TMCC1: variants seen among roughly 807,000 people sequenced by gnomAD.
TMCC1 encodes the protein transmembrane and coiled-coil domain family 1, also known as transmembrane and coiled-coil domains protein 1.
A neutral mutation model predicts 52.4 loss-of-function variants in TMCC1; 15 were observed. The ratio of observed to expected loss-of-function variants is 0.29; its 90% CI spans 0.19 to 0.44. The LOEUF is 0.44. TMCC1 is among the 20% of genes least tolerant of loss of function. The pLI is 1.00. For synonymous variants in TMCC1, 279 were observed against 301.9 expected (o/e 0.92, Z 0.79); for missense variants, 503 against 806.0 (o/e 0.62, Z 4.55).
chr3:129,797,203 G>A (rs1007881512), intron 4 of TMCC1, among the ~76,000 whole-genome samples: 17 of 152,068 alleles, frequency 1.1e-4, no homozygotes, highest in Non-Finnish European at 4.4e-5. Flanking sequence ...GCAGGCACCT[G>A]TAGTCCCAGC....
chr3:129,697,304 G>C (rs1033390258), intron 4 of TMCC1, among the ~76,000 whole-genome samples: 1 of 152,144 alleles, frequency 6.6e-6, no homozygotes, highest in African/African-American at 2.4e-5. Context: ...AAGGTATAGG[G>C]CCTTCACCCT....
intron 1 of TMCC1, chr3:129,892,508 T>G (rs981823595): frequency 1.3e-5 from 2 of 152,150 alleles, no homozygotes; most frequent in African/African-American, 4.8e-5. Flanking sequence ...AAAGCAGCTA[T>G]CTGATATTTA....
chr3:129,865,936 G>A (rs1222851584), intron 2 of TMCC1, among the ~76,000 whole-genome samples: 2 of 152,130 alleles, frequency 1.3e-5, no homozygotes, highest in African/African-American at 4.8e-5. Context: ...TGTCCAGCAG[G>A]CAGTAGGGAA....
rs554601151 is a variant in TMCC1, at chr3:129,679,996, GCAT to G, written c.577-8735_577-8733del. On this transcript the variant is annotated intron_variant, in intron 4 of 6. Coordinates refer to ENST00000393238, the MANE Select transcript of TMCC1 (RefSeq NM_001017395.5). Reference sequence around the variant, plus strand: ...ATCTGTGTTATAACAGGATCTTATTGCATCAGAGATTGACTTTTAAAAGCTTCC... The same window carrying G: ...ATCTGTGTTATAACAGGATCTTATTGCAGAGATTGACTTTTAAAAGCTTCC... Among the ~76,000 whole-genome samples, 298 of 152,124 alleles carry G rather than the reference GCAT, an allele frequency of 2.0e-3. 2 individuals carry two copies. Among genetic ancestry groups the G allele is most frequent in the African/African-American group, 6.2e-3 (259 of 41,498 alleles).
At position 129,828,534 on chromosome 3, in the gene TMCC1, AAAAC is replaced by A. The variant is rs1306240323; in HGVS notation, c.-130-30_-130-27del. ...CTAATGTTAAAAACAAAAAAACAAA[AAAAC>A]AAAAAAAAAACCTTATATTATAAAT... On this transcript the variant is annotated intron_variant, in intron 3 of 6. Coordinates refer to ENST00000393238, the MANE Select transcript of TMCC1 (RefSeq NM_001017395.5). This position sits in a 1 kb window ranked among gnomAD's most constrained non-coding sequence, Gnocchi z 4.1. 1.5e-6 allele frequency: 1 copy of A among 648,544 alleles called. No homozygotes were observed. The highest frequency in any genetic ancestry group is 2.5e-6 in the Non-Finnish European group (1 of 396,232). The allele number at this position is 648,544 out of a possible 1,614,324, so 40.2% of individuals were successfully genotyped here.
Position 129,712,291 on chromosome 3 carries a change from G to A in TMCC1, c.577-41027C>T, listed in dbSNP as rs78092682. Among the ~76,000 whole-genome samples the A allele has an allele frequency of 4.3e-3, 651 of 152,276 alleles. 3 individuals carry two copies. Among genetic ancestry groups the A allele is most frequent in the African/African-American group, 0.015 (633 of 41,562 alleles). ...ATTTAGATTTTGCAATACATGAGCT[G>A]TTCCAGTTTATGCAAAATCCCTCAT... On this transcript the variant is annotated intron_variant, in intron 4 of 6. Transcript: ENST00000393238.
intron 4 of TMCC1, among the ~76,000 whole-genome samples, chr3:129,715,538 TCAAA>T (rs375839955): frequency 1.9e-4 from 29 of 152,278 alleles, no homozygotes; most frequent in Middle Eastern, 3.4e-3. Flanking sequence ...AGACTCCATC[TCAAA>T]CAAACAAACA....
chr3:129,713,204 G>C (rs137968082), intron 4 of TMCC1, among the ~76,000 whole-genome samples: 2 of 152,328 alleles, frequency 1.3e-5, no homozygotes, highest in African/African-American at 2.4e-5. Context: ...GGAGGCTGTA[G>C]TGAGCAGTGA....
At chr3:129,784,304 C>A (rs2055793484) in intron 4 of TMCC1, among the ~76,000 whole-genome samples, 2 of 152,066 alleles carry the variant, frequency 1.3e-5, no homozygotes, top group South Asian at 4.1e-4. Context: ...ATAGGCTGGG[C>A]ATGGTGGCTC....
chr3:129,684,340 C>T (rs2089246077), intron 4 of TMCC1, among the ~76,000 whole-genome samples: 2 of 152,230 alleles, frequency 1.3e-5, no homozygotes, highest in South Asian at 4.1e-4. Flanking sequence ...GAGGGAATTA[C>T]TTAAATGGTA....
chr3:129,711,640 T>A (rs954132296), intron 4 of TMCC1, among the ~76,000 whole-genome samples: 8 of 151,218 alleles, frequency 5.3e-5, no homozygotes, highest in Admixed American at 4.0e-4. Context: ...AGGTCAGGAG[T>A]TTGAGACCAG....
chr3:129,737,029 C>T (rs1169762848), intron 4 of TMCC1, among the ~76,000 whole-genome samples: 2 of 152,214 alleles, frequency 1.3e-5, no homozygotes, highest in African/African-American at 4.8e-5. Context: ...TGATCCTCCA[C>T]ACTGCTATGA....
Position 129,667,797 on chromosome 3 carries a change from T to C in TMCC1, c.1511+2533A>G, listed in dbSNP as rs536262587. 5.3e-5 allele frequency among the ~76,000 whole-genome samples: 8 copies of C among 152,318 alleles called. No homozygotes were observed. In the South Asian group the frequency reaches 1.7e-3, roughly 32 times the overall value. Reference sequence around the variant, plus strand: ...GAGAGACCTGTTTCTGATTTTCTCATATCTTGACTTTCTACATCTTGACAT... The same window carrying C: ...GAGAGACCTGTTTCTGATTTTCTCACATCTTGACTTTCTACATCTTGACAT... On this transcript the variant is annotated intron_variant, in intron 5 of 6. Coordinates refer to ENST00000393238, the MANE Select transcript of TMCC1 (RefSeq NM_001017395.5).
At chr3:129,802,037 A>T (rs892501400) in intron 4 of TMCC1, among the ~76,000 whole-genome samples, 3 of 152,228 alleles carry the variant, frequency 2.0e-5, no homozygotes, top group Non-Finnish European at 4.4e-5. Context: ...ATGTATCTCA[A>T]CTGTACACTA....
chr3:129,727,872 G>A (rs2050230039), intron 4 of TMCC1, among the ~76,000 whole-genome samples: 1 of 152,162 alleles, frequency 6.6e-6, no homozygotes, highest in African/African-American at 2.4e-5. Flanking sequence ...GACTTGTTAA[G>A]TTCTTGCAAA....
At chr3:129,652,016 CA>C (rs1299228665) in intron 6 of TMCC1, among the ~76,000 whole-genome samples, 12 of 152,256 alleles carry the variant, frequency 7.9e-5, no homozygotes, top group Admixed American at 6.5e-4. Flanking sequence ...GGATGAGTCA[CA>C]GGAAGCAGTG....
chr3:129,864,992 C>A (rs2060556018), intron 2 of TMCC1, among the ~76,000 whole-genome samples: 1 of 152,042 alleles, frequency 6.6e-6, no homozygotes, highest in Non-Finnish European at 1.5e-5. Flanking sequence ...TACATTGGAC[C>A]CAACAAACAC....
chr3:129,765,439 A>T (rs556715836), intron 4 of TMCC1, among the ~76,000 whole-genome samples: 1 of 152,164 alleles, frequency 6.6e-6, no homozygotes, highest in Non-Finnish European at 1.5e-5. Flanking sequence ...AATAATAATC[A>T]GGGCCCTGAA....
chr3:129,731,527 G>A (rs968845700), intron 4 of TMCC1, among the ~76,000 whole-genome samples: 37 of 152,184 alleles, frequency 2.4e-4, no homozygotes, highest in Admixed American at 1.2e-3. Context: ...GCAGTTAACC[G>A]ACATCGTGCC....
Sources: allele counts gnomAD v4.1 joint callset (sites outside exome capture counted in the v4.1 genomes callset), GRCh38; gene constraint gnomAD v4.1.1; non-coding constraint Gnocchi (gnomAD v3.1); transcripts MANE v1.5; gene names NCBI Gene and HGNC (gene_info 2026-07-23, HGNC 2026-07-21).